RNF121: variants seen among roughly 807,000 people sequenced by gnomAD.
The protein encoded by RNF121 is ring finger protein 121.
In RNF121, 21 loss-of-function variants were observed where a neutral mutation model predicts 46.5. The observed-to-expected ratio is 0.45, with a 90% confidence interval of 0.32 to 0.65. The LOEUF (loss-of-function observed/expected upper bound fraction) is 0.65, where lower values mean the gene tolerates loss of function less well. RNF121 is among the 30% of genes least tolerant of loss of function. The pLI is 0.04. For missense variants in RNF121, 346 were observed against 416.0 expected (o/e 0.83, Z 1.46); for synonymous variants, 139 against 144.7 (o/e 0.96, Z 0.28).
chr11:71,987,028 A>G lies in RNF121; in HGVS notation c.423A>G (p.Leu141=). Residue 141 remains leucine (L), a synonymous_variant, in exon 5 of 9, where the codon CTA becomes CTG. Coordinates refer to ENST00000361756, the MANE Select transcript of RNF121 (RefSeq NM_018320.5). ...TPRLVYKWFL[L]IYKISYATGI... ...GGTTGGTTTATAAGTGGTTCCTGCT[A>G]ATCTATAAAATCAGCTATGCCACTG... The G allele has an allele frequency of 6.2e-7, 1 of 1,613,060 alleles. No homozygotes were observed. The highest frequency in any genetic ancestry group is 1.1e-5 in the South Asian group (1 of 91,058).
At chr11:71,948,015 A>G (rs1180236745) in intron 1 of RNF121, among the ~76,000 whole-genome samples, 1 of 152,158 alleles carries the variant, frequency 6.6e-6, no homozygotes, top group Non-Finnish European at 1.5e-5. Context: ...GTTCTGAAAG[A>G]TTCTGGAGGA....
At chr11:71,952,789 T>C (rs969568379) in intron 1 of RNF121, among the ~76,000 whole-genome samples, 1 of 146,910 alleles carries the variant, frequency 6.8e-6, no homozygotes, top group African/African-American at 2.5e-5. Context: ...GCTGGGGCGA[T>C]AGAGCAAGAC....
chr11:71,931,382 A>G (rs900290082), intron 1 of RNF121, among the ~76,000 whole-genome samples: 1 of 152,050 alleles, frequency 6.6e-6, no homozygotes, highest in Non-Finnish European at 1.5e-5. Context: ...TTGTTGTTGT[A>G]TGTTTGAGAA....
At chr11:71,932,063 C>CT (rs368586037) in intron 1 of RNF121, among the ~76,000 whole-genome samples, 1 of 152,224 alleles carries the variant, frequency 6.6e-6, no homozygotes, top group African/African-American at 2.4e-5. Flanking sequence ...TTCCTTTTCT[C>CT]TTTTTTTGTC....
In RNF121 at chr11:71,929,134, G is replaced by A; in HGVS notation, c.63+10G>A. The A allele has an allele frequency of 1.3e-6, 2 of 1,550,928 alleles. No individual in the cohort carries two copies. The highest frequency in any genetic ancestry group is 1.2e-5 in the South Asian group (1 of 83,950). On this transcript the variant is annotated intron_variant, in intron 1 of 8. Transcript: ENST00000361756. ...ACGGGAGCTGGATGAGGTAAGCGGA[G>A]TTGAGAGACGAGGAGAGACTCAACC... is the stretch of plus-strand genomic sequence containing the variant.
intron 1 of RNF121, among the ~76,000 whole-genome samples, chr11:71,948,893 T>C (rs1443406683): frequency 6.6e-6 from 1 of 152,102 alleles, no homozygotes; most frequent in Non-Finnish European, 1.5e-5. Flanking sequence ...TACCACAGTA[T>C]CTGAACCCCA....
At chr11:71,970,593 T>G (rs1954400916) in intron 3 of RNF121, among the ~76,000 whole-genome samples, 1 of 151,934 alleles carries the variant, frequency 6.6e-6, no homozygotes, top group Non-Finnish European at 1.5e-5. Context: ...GCCCAGGAGT[T>G]TAACGCTTCA....
intron 1 of RNF121, among the ~76,000 whole-genome samples, chr11:71,940,759 A>C (rs1056577425): frequency 6.6e-6 from 1 of 152,252 alleles, no homozygotes. Context: ...GTTGTAGTAT[A>C]GTGTCAGCAT....
chr11:71,985,646 G>A (rs551787073), intron 4 of RNF121, among the ~76,000 whole-genome samples: 3 of 152,204 alleles, frequency 2.0e-5, no homozygotes, highest in Non-Finnish European at 4.4e-5. Flanking sequence ...CCTCCCTAGG[G>A]TTCAGCAGGG....
In RNF121 at chr11:71,989,179, C is replaced by A. The variant is rs564518611; in HGVS notation, c.507-1418C>A. On this transcript the variant is annotated intron_variant, in intron 5 of 8. Coordinates refer to ENST00000361756, the MANE Select transcript of RNF121 (RefSeq NM_018320.5). ...ACCTCCACCTCCCGAGTAGTGGGGT[C>A]AAATGATTCTCCTGCCTCAGCCTCC... 1.7e-4 allele frequency among the ~76,000 whole-genome samples: 26 copies of A among 152,196 alleles called. No individual in the cohort carries two copies. In the South Asian group the frequency reaches 5.0e-3, roughly 29 times the overall value.
At chr11:71,996,127 C>T in intron 8 of RNF121, 68 bp from the exon 9 acceptor site, 1 of 1,587,588 alleles carries the variant, frequency 6.3e-7, no homozygotes. Context: ...CCAGGGAGCC[C>T]CACCACCCAT....
At chr11:71,932,026 C>T (rs1051525617) in intron 1 of RNF121, among the ~76,000 whole-genome samples, 2 of 152,182 alleles carry the variant, frequency 1.3e-5, no homozygotes, top group African/African-American at 2.4e-5. Flanking sequence ...TAGCATGATA[C>T]GTAGTCTGGA....
intron 3 of RNF121, among the ~76,000 whole-genome samples, chr11:71,979,151 C>G (rs182354644): frequency 6.6e-6 from 1 of 152,224 alleles, no homozygotes; most frequent in Non-Finnish European, 1.5e-5. Flanking sequence ...TGGGTGAACA[C>G]TGCCTCTACT....
chr11:71,983,281 ATATAACTTACCACAATT>A, intron 4 of RNF121: 1 of 161,022 alleles, frequency 6.2e-6, no homozygotes, highest in East Asian at 1.8e-4. Flanking sequence ...GTTTTCCTTC[ATATAACTTACCACAATT>A]TATAACTAAA....
chr11:71,935,332 A>G (rs1380725865), intron 1 of RNF121, among the ~76,000 whole-genome samples: 1 of 152,212 alleles, frequency 6.6e-6, no homozygotes, highest in Admixed American at 6.5e-5. Context: ...TAGAGAATTT[A>G]AGTAAGTTGC....
chr11:71,956,185 G>A (rs1953988255), intron 1 of RNF121, among the ~76,000 whole-genome samples: 1 of 152,204 alleles, frequency 6.6e-6, no homozygotes. Context: ...AACATCTTAA[G>A]TACTAAAGGA....
intron 7 of RNF121, 79 bp from the exon 8 acceptor site, chr11:71,995,371 G>A (rs1321475514): frequency 5.2e-6 from 6 of 1,146,096 alleles, no homozygotes; most frequent in Non-Finnish European, 7.7e-6. Flanking sequence ...GCGAAGGCAG[G>A]ATTTGAACCT....
At chr11:71,989,756 A>G (rs1184040099) in intron 5 of RNF121, among the ~76,000 whole-genome samples, 1 of 152,198 alleles carries the variant, frequency 6.6e-6, no homozygotes, top group African/African-American at 2.4e-5. Context: ...GACTTGGACC[A>G]AAATTTAACT....
chr11:71,971,036 G>T (rs939748708), intron 3 of RNF121, among the ~76,000 whole-genome samples: 13 of 152,142 alleles, frequency 8.5e-5, no homozygotes, highest in Non-Finnish European at 1.2e-4. Context: ...GAATACAAAG[G>T]GGACTCAAGA....
Sources: allele counts gnomAD v4.1 joint callset (sites outside exome capture counted in the v4.1 genomes callset), GRCh38; gene constraint gnomAD v4.1.1; transcripts MANE v1.5; gene names NCBI Gene and HGNC (gene_info 2026-07-23, HGNC 2026-07-21).